The following COL18A1 variants were observed in gnomAD, a reference collection of about 807,000 sequenced individuals.
COL18A1 encodes the protein collagen alpha-1(XVIII) chain.
In COL18A1, 133 loss-of-function variants were observed where a neutral mutation model predicts 168.0. The observed-to-expected ratio is 0.79, with a 90% CI of 0.69 to 0.91. The LOEUF is 0.91. COL18A1 is among the 40% of genes least tolerant of loss of function. The pLI is 0.00. For missense variants in COL18A1, 2,126 were observed against 1,925.4 expected (o/e 1.10, Z -1.95); for synonymous variants, 949 against 809.0 (o/e 1.17, Z -2.94).
intron 2 of COL18A1, among the ~76,000 whole-genome samples, chr21:45,446,789 A>T (rs1002636221): frequency 2.9e-5 from 4 of 138,022 alleles, no homozygotes; most frequent in African/African-American, 8.8e-5. Context: ...AGCAACATAT[A>T]AAAAAAATTC....
At chr21:45,455,774 C>T in intron 2 of COL18A1, 12 of 1,613,740 alleles carry the variant, frequency 7.4e-6, no homozygotes, top group Non-Finnish European at 1.0e-5. Flanking sequence ...CAGCCCTGAG[C>T]CACCCTCAGA....
intron 3 of COL18A1, among the ~76,000 whole-genome samples, chr21:45,472,328 A>G (rs1251666106): frequency 6.7e-6 from 1 of 149,872 alleles, no homozygotes; most frequent in African/African-American, 2.5e-5. Flanking sequence ...GGTTCACGCC[A>G]TTCTCCTGCC....
chr21:45,480,181 C>A, intron 11 of COL18A1, 25 bp downstream of exon 11: 2 of 1,378,056 alleles, frequency 1.5e-6, no homozygotes, highest in South Asian at 1.2e-5. Context: ...TGGCTTCCTG[C>A]GACCCGGGGT....
chr21:45,450,086 A>G (rs1469759747), intron 2 of COL18A1, among the ~76,000 whole-genome samples: 3 of 152,092 alleles, frequency 2.0e-5, no homozygotes, highest in Admixed American at 6.5e-5. Context: ...GGGCGTGCCC[A>G]TGGGCAGTGG....
chr21:45,447,597 C>T (rs1388798058), intron 2 of COL18A1, among the ~76,000 whole-genome samples: 1 of 152,136 alleles, frequency 6.6e-6, no homozygotes, highest in East Asian at 1.9e-4. Flanking sequence ...CCACACAACT[C>T]CTGCCAGAAT....
chr21:45,465,537 G>T (rs1489052535), intron 2 of COL18A1, among the ~76,000 whole-genome samples: 1 of 152,194 alleles, frequency 6.6e-6, no homozygotes, highest in Admixed American at 6.5e-5. Context: ...TCTGGATCAG[G>T]TTCCGGAAGC....
rs540486806 is a variant in COL18A1 at position 45,505,499 on chromosome 21, C to T, written c.3087+68C>T. The T allele has an allele frequency of 1.1e-5, 9 of 839,402 alleles. No individual in the cohort carries two copies. The African/African-American group carries it at 1.5e-4, about 14-fold the overall frequency. 52.0% of individuals were successfully genotyped at this position (839,402 alleles called of 1,614,324 possible). A position where few individuals can be genotyped will look rare whatever the true frequency, so the allele number is the denominator to read the frequency against. On this transcript the variant is annotated intron_variant, in intron 36 of 41. Transcript: ENST00000651438. ...CTGGCTGGTTCTGCAGCCCCTGCCC[C>T]TCAGAGACACTCTCCCACGGACCCC...
At chr21:45,486,822 C>A in intron 15 of COL18A1, 39 bp from the exon 16 acceptor site, 2 of 1,525,652 alleles carry the variant, frequency 1.3e-6, no homozygotes, top group South Asian at 2.4e-5. Context: ...CCAGCGGGGG[C>A]TGGGCTGGGT....
chr21:45,476,348 C>G lies in COL18A1; in HGVS notation c.799-3C>G, dbSNP rs375628545. Reference sequence around the variant, plus strand: ...ACAGGCCACCTCCCCTCTCGTCCTCCAGGGCGCGGCCCTAAAACCCAGGCT... The same window carrying G: ...ACAGGCCACCTCCCCTCTCGTCCTCGAGGGCGCGGCCCTAAAACCCAGGCT... On this transcript the variant is annotated splice_polypyrimidine_tract_variant and splice_region_variant and intron_variant, in intron 5 of 41. Transcript: ENST00000651438. 70 of 1,613,876 alleles carry G rather than the reference C, an allele frequency of 4.3e-5. No homozygotes were observed. Among genetic ancestry groups the G allele is most frequent in the Non-Finnish European group, 5.6e-5 (66 of 1,179,952 alleles).
intron 2 of COL18A1, among the ~76,000 whole-genome samples, chr21:45,459,693 G>A (rs1329222593): frequency 6.6e-6 from 1 of 152,214 alleles, no homozygotes; most frequent in African/African-American, 2.4e-5. Context: ...TCAGGTCCAC[G>A]AGGAAGGGAG....
At chr21:45,508,227 T>G (rs2037347128) in intron 38 of COL18A1, among the ~76,000 whole-genome samples, 1 of 130,870 alleles carries the variant, frequency 7.6e-6, no homozygotes, top group African/African-American at 3.0e-5. Flanking sequence ...GGTGGGTGGA[T>G]AGTGGGTAAG....
intron 15 of COL18A1, among the ~76,000 whole-genome samples, chr21:45,484,734 G>A (rs2036048987): frequency 6.6e-6 from 1 of 152,150 alleles, no homozygotes; most frequent in African/African-American, 2.4e-5. Context: ...TCTAGCATAT[G>A]TACACACACA....
Position 45,443,874 on chromosome 21 carries a change from T to G in COL18A1, c.107-24368T>G, listed in dbSNP as rs894382942. On this transcript the variant is annotated intron_variant, in intron 2 of 41. Coordinates refer to ENST00000651438, the MANE Select transcript of COL18A1 (RefSeq NM_001379500.1). This position sits in a 1 kb window ranked among gnomAD's most constrained non-coding sequence, Gnocchi z 5.2. ...AGATGCGTCCGAGGGACACTGGACA[T>G]CTGGTGGCCCTCCAGACTCCTAGGA... 6.6e-6 allele frequency among the ~76,000 whole-genome samples: 1 copy of G among 152,142 alleles called. No individual in the cohort carries two copies. The highest frequency in any genetic ancestry group is 1.5e-5 in the Non-Finnish European group (1 of 68,002).
rs775685523 is a variant in COL18A1, at chr21:45,504,463, G to T, written c.2775G>T (p.Gly925=). ...RGDAGQKGER[G]EPGGGGFFGS... The stretch of plus-strand genomic sequence containing the variant: ...ATGCAGGACAGAAAGGCGAAAGGGG[G>T]GAGCCCGGGGGCGGCGGTTTCTTCG... Residue 925 remains glycine, a synonymous_variant, in exon 34 of 42, where the codon GGG becomes GGT. Transcript: ENST00000651438. 3.7e-6 allele frequency: 6 copies of T among 1,610,580 alleles called. No homozygotes were observed. The highest frequency in any genetic ancestry group is 1.1e-5 in the South Asian group (1 of 90,974).
At chr21:45,474,391 ATGTG>A (rs1377148143) in intron 4 of COL18A1, among the ~76,000 whole-genome samples, 4 of 134,936 alleles carry the variant, frequency 3.0e-5, no homozygotes, top group East Asian at 2.2e-4. Flanking sequence ...TGTGTGTTGT[ATGTG>A]TGTCTCTGGT....
intron 15 of COL18A1, 64 bp from the exon 16 acceptor site, chr21:45,486,797 G>C: frequency 2.0e-6 from 3 of 1,514,692 alleles, no homozygotes; most frequent in East Asian, 5.0e-5. Context: ...ACGTGTCTAC[G>C]CTGGGGTTGC....
At chr21:45,482,474 C>G in intron 14 of COL18A1, 1 of 563,908 alleles carries the variant, frequency 1.8e-6, no homozygotes, top group Admixed American at 2.9e-5. Context: ...GGGACGCGGG[C>G]TGTAAATGCC....
intron 2 of COL18A1, among the ~76,000 whole-genome samples, chr21:45,464,213 C>T (rs189496296): frequency 1.9e-4 from 29 of 152,308 alleles, no homozygotes; most frequent in Non-Finnish European, 3.2e-4. Flanking sequence ...CGTAGTCCCT[C>T]GGTGGGAGCT....
intron 2 of COL18A1, among the ~76,000 whole-genome samples, chr21:45,427,261 T>C (rs2033831328): frequency 6.6e-6 from 1 of 152,120 alleles, no homozygotes; most frequent in Admixed American, 6.5e-5. Flanking sequence ...TAAATCACAG[T>C]GTCACCTCCC....
Sources: gnomAD v4.1 joint callset for allele counts (sites outside exome capture counted in the v4.1 genomes callset) on GRCh38, gnomAD v4.1.1 for gene constraint, Gnocchi (gnomAD v3.1) non-coding constraint, MANE v1.5 for transcripts, NCBI Gene and HGNC (gene_info 2026-07-23, HGNC 2026-07-21) for gene names.